RAB11FIP4: variants seen among roughly 807,000 people sequenced by gnomAD.
RAB11FIP4 encodes the protein rab11 family-interacting protein 4.
In RAB11FIP4, 23 loss-of-function variants were observed where a neutral mutation model predicts 74.3. The ratio of observed to expected loss-of-function variants is 0.31; its 90% CI spans 0.22 to 0.44. The LOEUF (loss-of-function observed/expected upper bound fraction) is 0.44, where lower values mean the gene tolerates loss of function less well. RAB11FIP4 is among the 20% of genes least tolerant of loss of function. The pLI, the probability that RAB11FIP4 is intolerant of heterozygous loss-of-function variation, is 1.00. For synonymous variants in RAB11FIP4, 360 were observed against 359.9 expected (o/e 1.00, Z 0.00); for missense variants, 630 against 863.9 (o/e 0.73, Z 3.39).
At chr17:31,479,944 A>C (rs768301568) in intron 3 of RAB11FIP4, among the ~76,000 whole-genome samples, 2 of 152,092 alleles carry the variant, frequency 1.3e-5, no homozygotes, top group Non-Finnish European at 2.9e-5. Flanking sequence ...GGCCTAGATA[A>C]TTGTTTTAAA....
At position 31,522,463 on chromosome 17, in the gene RAB11FIP4, T is replaced by C. The variant is rs1268606925; in HGVS notation, c.929+68T>C. The C allele has an allele frequency of 1.3e-5, 20 of 1,497,406 alleles. No individual in the cohort carries two copies. In the East Asian group the frequency reaches 4.5e-4, roughly 34 times the overall value. 92.8% of individuals were successfully genotyped at this position (1,497,406 alleles called of 1,614,324 possible). ...ATGCTGCCCACTGGCCGGGGCTCCC[T>C]GCCAGCAGCCCGGACTCAGCTGGTG... On this transcript the variant is annotated intron_variant, in intron 7 of 14. Transcript: ENST00000621161.
chr17:31,479,426 C>T (rs1187573936), intron 3 of RAB11FIP4, among the ~76,000 whole-genome samples: 2 of 152,198 alleles, frequency 1.3e-5, no homozygotes, highest in African/African-American at 2.4e-5. Flanking sequence ...GATTCTCAGT[C>T]CCATTCAGGG....
intron 1 of RAB11FIP4, among the ~76,000 whole-genome samples, chr17:31,423,579 A>G (rs995290807): frequency 2.0e-5 from 3 of 152,070 alleles, no homozygotes; most frequent in Admixed American, 6.6e-5. Context: ...TCAGATCCCA[A>G]CCTGCCCTCT....
chr17:31,447,088 T>TC (rs1438994472), intron 3 of RAB11FIP4, among the ~76,000 whole-genome samples: 2 of 152,038 alleles, frequency 1.3e-5, no homozygotes, highest in Non-Finnish European at 1.5e-5. Context: ...ATCGAGACCA[T>TC]CCTGGCTAAC....
At chr17:31,445,578 A>ATTTTTTT (rs61393689) in intron 3 of RAB11FIP4, among the ~76,000 whole-genome samples, 4 of 16,296 alleles carry the variant, frequency 2.5e-4, no homozygotes, top group African/African-American at 4.6e-4. Flanking sequence ...ATATATATAT[A>ATTTTTTT]TTTTTTTTTT....
intron 1 of RAB11FIP4, among the ~76,000 whole-genome samples, chr17:31,405,005 G>A (rs2071029490): frequency 6.6e-6 from 1 of 152,052 alleles, no homozygotes; most frequent in Admixed American, 6.6e-5. Flanking sequence ...AGGTGGCAGG[G>A]CTTGATTTTA....
chr17:31,402,004 C>T lies in RAB11FIP4; in HGVS notation c.159+9993C>T, dbSNP rs148564133. ...TCACCTAAGCATCCACTTACCCATC[C>T]ATCTACCCATCCATCATCCCTTCCA... On this transcript the variant is annotated intron_variant, in intron 1 of 14. Coordinates refer to ENST00000621161, the MANE Select transcript of RAB11FIP4 (RefSeq NM_032932.6). Among the ~76,000 whole-genome samples the T allele has an allele frequency of 2.0e-3, 309 of 152,278 alleles. 2 individuals carry two copies. The highest frequency in any genetic ancestry group is 7.3e-3 in the African/African-American group (302 of 41,540).
At chr17:31,404,732 C>T (rs890850981) in intron 1 of RAB11FIP4, among the ~76,000 whole-genome samples, 20 of 151,870 alleles carry the variant, frequency 1.3e-4, no homozygotes, top group South Asian at 2.1e-4. Context: ...GCGGTGGGGG[C>T]GGGGGACTGA....
chr17:31,418,609 G>T (rs566670375), intron 1 of RAB11FIP4, among the ~76,000 whole-genome samples: 133 of 151,674 alleles, frequency 8.8e-4, no homozygotes, highest in Middle Eastern at 3.4e-3. Context: ...GACTACAGGC[G>T]TGCACCACCA....
intron 3 of RAB11FIP4, among the ~76,000 whole-genome samples, chr17:31,481,552 G>A (rs1018781971): frequency 6.6e-6 from 1 of 152,100 alleles, no homozygotes; most frequent in Admixed American, 6.6e-5. Context: ...AAGGAGAGTT[G>A]TTTTTGCTGC....
At chr17:31,471,510 T>A (rs549759791) in intron 3 of RAB11FIP4, among the ~76,000 whole-genome samples, 46 of 152,218 alleles carry the variant, frequency 3.0e-4, no homozygotes, top group African/African-American at 9.9e-4. Context: ...AACAACCTCG[T>A]GAGAGAGATA....
chr17:31,423,354 T>A (rs1222976769), intron 1 of RAB11FIP4, among the ~76,000 whole-genome samples: 2 of 152,134 alleles, frequency 1.3e-5, no homozygotes, highest in East Asian at 3.9e-4. Flanking sequence ...AGAATGTCAG[T>A]TTTTTCTTTG....
At chr17:31,508,003 T>C (rs969439417) in intron 3 of RAB11FIP4, among the ~76,000 whole-genome samples, 3 of 152,132 alleles carry the variant, frequency 2.0e-5, no homozygotes, top group Non-Finnish European at 4.4e-5. Context: ...ACTTTTTGTA[T>C]TTTTTGTAGA....
chr17:31,465,328 TG>T (rs1332410777), intron 3 of RAB11FIP4, among the ~76,000 whole-genome samples: 3 of 151,900 alleles, frequency 2.0e-5, no homozygotes, highest in Admixed American at 2.0e-4. Flanking sequence ...GCCCAGGATG[TG>T]GGTGGACCTG....
chr17:31,421,127 G>T (rs2071195083), intron 1 of RAB11FIP4, among the ~76,000 whole-genome samples: 1 of 152,290 alleles, frequency 6.6e-6, no homozygotes, highest in East Asian at 1.9e-4. Context: ...TTTGACTCAT[G>T]AATTATTTAG....
In RAB11FIP4 at chr17:31,501,875, A is replaced by G. The variant is rs549163381; in HGVS notation, c.337-15776A>G. ...CAATGCTCTTATGGGTACTTGAAGT[A>G]TGACTTCTACTGACTGTGGATCACT... On this transcript the variant is annotated intron_variant, in intron 3 of 14. Coordinates refer to ENST00000621161, the MANE Select transcript of RAB11FIP4 (RefSeq NM_032932.6). 5 of 155,832 alleles carry G rather than the reference A, an allele frequency of 3.2e-5. No individual in the cohort carries two copies. The South Asian group carries it at 7.4e-4, about 23-fold the overall frequency. 9.7% of individuals were successfully genotyped at this position (155,832 alleles called of 1,614,324 possible).
At chr17:31,468,461 A>G (rs2071706421) in intron 3 of RAB11FIP4, among the ~76,000 whole-genome samples, 1 of 152,190 alleles carries the variant, frequency 6.6e-6, no homozygotes, top group Non-Finnish European at 1.5e-5. Context: ...CGAAATGGGA[A>G]GAGCAATGCA....
intron 1 of RAB11FIP4, among the ~76,000 whole-genome samples, chr17:31,399,899 C>T (rs148054144): frequency 0.011 from 1,739 of 151,740 alleles, 25 homozygotes; most frequent in Non-Finnish European, 0.016. Flanking sequence ...AAGAATTAGC[C>T]GGGCGTGATG....
chr17:31,516,574 A>G (rs1185960330), intron 3 of RAB11FIP4, among the ~76,000 whole-genome samples: 2 of 152,224 alleles, frequency 1.3e-5, no homozygotes, highest in Non-Finnish European at 2.9e-5. Context: ...GGTTCACGCC[A>G]TTCTCCTGCC....
Sources: allele counts gnomAD v4.1 joint callset (sites outside exome capture counted in the v4.1 genomes callset), GRCh38; gene constraint gnomAD v4.1.1; transcripts MANE v1.5; gene names NCBI Gene and HGNC (gene_info 2026-07-23, HGNC 2026-07-21).